SNTG1: variants seen among roughly 807,000 people sequenced by gnomAD.
SNTG1 encodes syntrophin gamma 1, also known as gamma-1-syntrophin.
In SNTG1, 39 loss-of-function variants were observed where a neutral mutation model predicts 74.7. That is an observed-to-expected ratio of 0.52 (90% CI 0.40 to 0.68). SNTG1 has a LOEUF of 0.68. SNTG1 is among the 30% of genes least tolerant of loss of function. The pLI, the probability that SNTG1 is intolerant of heterozygous loss-of-function variation, is 0.00. For missense variants in SNTG1, 685 were observed against 609.5 expected (o/e 1.12, Z -1.30); for synonymous variants, 254 against 217.1 (o/e 1.17, Z -1.49).
At chr8:49,924,453 A>C (rs1806836406) in intron 1 of SNTG1, among the ~76,000 whole-genome samples, 1 of 152,156 alleles carries the variant, frequency 6.6e-6, no homozygotes, top group African/African-American at 2.4e-5. Flanking sequence ...CAGTATGCAG[A>C]ATAATGCAGT....
chr8:50,113,794 G>A (rs1051797468), intron 1 of SNTG1, among the ~76,000 whole-genome samples: 2 of 152,096 alleles, frequency 1.3e-5, no homozygotes, highest in Admixed American at 1.3e-4. Context: ...TTAGCCTGAA[G>A]GACTGTTGAA....
intron 1 of SNTG1, among the ~76,000 whole-genome samples, chr8:50,154,407 G>A (rs2082183196): frequency 6.6e-6 from 1 of 151,990 alleles, no homozygotes; most frequent in Non-Finnish European, 1.5e-5. Flanking sequence ...CCCTGCTTCG[G>A]CTCACACTCG....
At chr8:50,755,047 T>C (rs1173336623) in intron 18 of SNTG1, among the ~76,000 whole-genome samples, 1 of 151,760 alleles carries the variant, frequency 6.6e-6, no homozygotes, top group African/African-American at 2.4e-5. Context: ...GCCCCCTCTG[T>C]AGTCAACATC....
chr8:50,136,440 T>C (rs879348505), intron 1 of SNTG1, among the ~76,000 whole-genome samples: 4 of 152,188 alleles, frequency 2.6e-5, no homozygotes, highest in Non-Finnish European at 5.9e-5. Flanking sequence ...CTTTCAGTAA[T>C]AGCCATTCTG....
chr8:50,553,968 T>G (rs567111311), intron 12 of SNTG1, among the ~76,000 whole-genome samples: 1 of 152,152 alleles, frequency 6.6e-6, no homozygotes, highest in Admixed American at 6.6e-5. Flanking sequence ...TTGAGGCATT[T>G]CAGAAGTCCT....
At chr8:50,009,950 C>A (rs528926756) in intron 1 of SNTG1, among the ~76,000 whole-genome samples, 8 of 152,130 alleles carry the variant, frequency 5.3e-5, no homozygotes, top group Non-Finnish European at 7.3e-5. Flanking sequence ...AAGCCGAGAT[C>A]GTGCCATTGC....
At chr8:50,593,325 A>T (rs2094704548) in intron 13 of SNTG1, among the ~76,000 whole-genome samples, 1 of 152,188 alleles carries the variant, frequency 6.6e-6, no homozygotes, top group African/African-American at 2.4e-5. Flanking sequence ...GCTTTCAGAC[A>T]CTGTGTCTGA....
At chr8:50,498,794 T>C (rs905112061) in intron 8 of SNTG1, among the ~76,000 whole-genome samples, 1 of 151,880 alleles carries the variant, frequency 6.6e-6, no homozygotes, top group African/African-American at 2.4e-5. Context: ...TCAAAGCTCC[T>C]TTTCTTTTCT....
At chr8:49,966,352 T>TA (rs373937788) in intron 1 of SNTG1, among the ~76,000 whole-genome samples, 2 of 152,084 alleles carry the variant, frequency 1.3e-5, no homozygotes, top group Admixed American at 6.6e-5. Flanking sequence ...TTTTCCTGTT[T>TA]AAAAAAAGTC....
intron 16 of SNTG1, among the ~76,000 whole-genome samples, chr8:50,705,541 C>G (rs554741878): frequency 1.3e-5 from 2 of 152,082 alleles, no homozygotes; most frequent in South Asian, 4.1e-4. Context: ...ATAGCAGCAT[C>G]TATAAGATTC....
At chr8:50,225,705 T>C (rs976240185) in intron 2 of SNTG1, among the ~76,000 whole-genome samples, 1 of 152,210 alleles carries the variant, frequency 6.6e-6, no homozygotes, top group Non-Finnish European at 1.5e-5. Context: ...ATATTAAAAA[T>C]AGGGAGGATT....
In SNTG1 at chr8:50,097,240, AC is replaced by A. The variant is rs539971463; in HGVS notation, c.-102-75320del. On this transcript the variant is annotated intron_variant, in intron 1 of 18. Coordinates refer to ENST00000642720, the MANE Select transcript of SNTG1 (RefSeq NM_018967.5). ...TTGCCTTGGCCTCCCAAAGACTAAA[AC>A]TTTTTAAAATTGCTGACATAATATT... is the stretch of plus-strand genomic sequence containing the variant. Among the ~76,000 whole-genome samples the A allele has an allele frequency of 1.2e-4, 18 of 152,132 alleles. No homozygotes were observed. In the South Asian group the frequency reaches 3.7e-3, roughly 32 times the overall value.
intron 15 of SNTG1, among the ~76,000 whole-genome samples, chr8:50,689,691 A>T (rs2095368938): frequency 6.6e-6 from 1 of 152,152 alleles, no homozygotes; most frequent in Non-Finnish European, 1.5e-5. Flanking sequence ...TTCATCAAGG[A>T]TATTGGTCTA....
intron 4 of SNTG1, among the ~76,000 whole-genome samples, chr8:50,423,769 A>G (rs1404299375): frequency 2.0e-5 from 3 of 152,210 alleles, no homozygotes; most frequent in African/African-American, 7.2e-5. Context: ...GAGAGATGTA[A>G]AAAATATAAT....
intron 2 of SNTG1, among the ~76,000 whole-genome samples, chr8:50,254,910 T>G: frequency 6.7e-6 from 1 of 149,512 alleles, no homozygotes; most frequent in South Asian, 2.1e-4. Context: ...TGCGCAAGAC[T>G]TCTGCTGCTG....
intron 1 of SNTG1, among the ~76,000 whole-genome samples, chr8:50,059,116 C>T (rs897412285): frequency 5.9e-5 from 9 of 152,028 alleles, no homozygotes; most frequent in African/African-American, 1.9e-4. Flanking sequence ...TTCCATAGTA[C>T]CCATGTGCCA....
At chr8:50,337,451 A>T (rs2091178283) in intron 2 of SNTG1, among the ~76,000 whole-genome samples, 1 of 152,214 alleles carries the variant, frequency 6.6e-6, no homozygotes, top group Non-Finnish European at 1.5e-5. Context: ...TATCACTGTA[A>T]CAATCTGAGA....
At chr8:50,179,961 G>A (rs1327810185) in intron 2 of SNTG1, among the ~76,000 whole-genome samples, 4 of 152,082 alleles carry the variant, frequency 2.6e-5, no homozygotes, top group African/African-American at 4.8e-5. Context: ...ATCAGCATCT[G>A]GTAGAAATAT....
intron 1 of SNTG1, among the ~76,000 whole-genome samples, chr8:50,089,044 G>C (rs377553753): frequency 6.6e-6 from 1 of 151,648 alleles, no homozygotes; most frequent in African/African-American, 2.4e-5. Flanking sequence ...CATGGTACTG[G>C]TACCAAAACA....
Sources: allele counts gnomAD v4.1 joint callset (sites outside exome capture counted in the v4.1 genomes callset), GRCh38; gene constraint gnomAD v4.1.1; transcripts MANE v1.5; gene names NCBI Gene and HGNC (gene_info 2026-07-23, HGNC 2026-07-21).